Variants in PITPNC1 observed in about 807,000 individuals in gnomAD.
The protein encoded by PITPNC1 is cytoplasmic phosphatidylinositol transfer protein 1.
In PITPNC1, 18 loss-of-function variants were observed where a neutral mutation model predicts 44.7. That is an observed-to-expected ratio of 0.40 (90% CI 0.28 to 0.60). The LOEUF is 0.60. Among genes scored for constraint, PITPNC1 ranks in the 20% least tolerant of loss-of-function variants. The probability of loss-of-function intolerance (pLI) is 0.39; values close to 1 mark genes in which losing one functional copy is unlikely to be tolerated. For synonymous variants in PITPNC1, 141 were observed against 149.6 expected, an observed-to-expected ratio of 0.94 and a Z score of 0.42; for missense variants, 290 against 418.4, an observed-to-expected ratio of 0.69 and a Z score of 2.68.
chr17:67,649,624 C>G (rs1018384578), intron 6 of PITPNC1, among the ~76,000 whole-genome samples: 2 of 151,962 alleles, frequency 1.3e-5, no homozygotes, highest in African/African-American at 4.8e-5. Flanking sequence ...GTGGCTCATT[C>G]CTACAATCCC....
At chr17:67,631,395 T>A (rs371547613) in intron 5 of PITPNC1, among the ~76,000 whole-genome samples, 93 of 147,594 alleles carry the variant, frequency 6.3e-4, no homozygotes, top group Non-Finnish European at 2.2e-4. Flanking sequence ...TTTGGGAGGC[T>A]GAGGCGGGCG....
chr17:67,577,627 A>T (rs1047785782), intron 4 of PITPNC1, among the ~76,000 whole-genome samples: 15 of 151,020 alleles, frequency 9.9e-5, no homozygotes, highest in Admixed American at 2.6e-4. Context: ...TAAATTTAAA[A>T]ATTTTTTTTA....
chr17:67,404,864 C>CT (rs932105691), intron 1 of PITPNC1, among the ~76,000 whole-genome samples: 6 of 152,090 alleles, frequency 3.9e-5, no homozygotes, highest in Non-Finnish European at 5.9e-5. Context: ...GTTATTGCCT[C>CT]TTTTTTTAAC....
At chr17:67,602,767 T>C (rs987256991) in intron 5 of PITPNC1, among the ~76,000 whole-genome samples, 3 of 152,130 alleles carry the variant, frequency 2.0e-5, no homozygotes, top group Non-Finnish European at 4.4e-5. Context: ...GGATGGATCT[T>C]GCTCTGTCGC....
At chr17:67,390,766 C>T (rs957460286) in intron 1 of PITPNC1, among the ~76,000 whole-genome samples, 3 of 152,178 alleles carry the variant, frequency 2.0e-5, no homozygotes, top group Admixed American at 2.0e-4. Flanking sequence ...ACTGTCTTGG[C>T]CACTGGCTTT....
chr17:67,558,960 C>T (rs2040873286), intron 4 of PITPNC1, among the ~76,000 whole-genome samples: 2 of 152,072 alleles, frequency 1.3e-5, no homozygotes, highest in African/African-American at 4.8e-5. Flanking sequence ...CATCAGTCAC[C>T]CCAGGTGAAC....
intron 1 of PITPNC1, among the ~76,000 whole-genome samples, chr17:67,405,996 AT>A (rs2038393111): frequency 6.6e-6 from 1 of 151,958 alleles, no homozygotes; most frequent in Non-Finnish European, 1.5e-5. Flanking sequence ...ATAACTTGCT[AT>A]TTTTTCCTAG....
intron 8 of PITPNC1, chr17:67,687,257 C>A: frequency 3.6e-6 from 3 of 824,230 alleles, no homozygotes; most frequent in South Asian, 1.5e-5. Context: ...GGAAATACTG[C>A]AGATGCCCGG....
At chr17:67,383,477 A>G (rs897240851) in intron 1 of PITPNC1, among the ~76,000 whole-genome samples, 1 of 152,090 alleles carries the variant, frequency 6.6e-6, no homozygotes, top group African/African-American at 2.4e-5. Flanking sequence ...GGGGACTCCA[A>G]CCTTGTGTCT....
chr17:67,595,911 G>A (rs1270894798), intron 5 of PITPNC1, among the ~76,000 whole-genome samples: 1 of 152,126 alleles, frequency 6.6e-6, no homozygotes, highest in African/African-American at 2.4e-5. Flanking sequence ...ATTATCTAGA[G>A]TAATTTTAAT....
chr17:67,534,675 GA>G (rs1205301546), intron 2 of PITPNC1, among the ~76,000 whole-genome samples: 5 of 151,772 alleles, frequency 3.3e-5, no homozygotes, highest in South Asian at 2.1e-4. Flanking sequence ...AAAGAATAAA[GA>G]AAAAAAAGAA....
intron 5 of PITPNC1, among the ~76,000 whole-genome samples, chr17:67,608,975 A>T (rs1474998470): frequency 6.6e-6 from 1 of 151,954 alleles, no homozygotes; most frequent in African/African-American, 2.4e-5. Context: ...GACTTTCAGA[A>T]TATCCTTTCC....
At chr17:67,430,898 A>C (rs999426976) in intron 1 of PITPNC1, among the ~76,000 whole-genome samples, 11 of 151,102 alleles carry the variant, frequency 7.3e-5, no homozygotes, top group African/African-American at 2.7e-4. Context: ...GCAGTGAGAA[A>C]TGATCACACC....
At chr17:67,636,157 C>G (rs2642061) in intron 6 of PITPNC1, among the ~76,000 whole-genome samples, 139,601 of 152,094 alleles carry the variant, frequency 0.92, 64,401 homozygotes, top group Non-Finnish European at 0.97. Flanking sequence ...AATTAGCCGG[C>G]CATGGTGGTA....
At chr17:67,636,640 A>G (rs2042036783) in intron 6 of PITPNC1, among the ~76,000 whole-genome samples, 1 of 152,132 alleles carries the variant, frequency 6.6e-6, no homozygotes, top group Admixed American at 6.6e-5. Flanking sequence ...GCATTCCCCC[A>G]GGGGCGACTC....
chr17:67,406,828 C>A (rs2038408511), intron 1 of PITPNC1, among the ~76,000 whole-genome samples: 1 of 152,136 alleles, frequency 6.6e-6, no homozygotes, highest in South Asian at 2.1e-4. Flanking sequence ...CTCAGGTGAT[C>A]CATCCACCTC....
intron 1 of PITPNC1, among the ~76,000 whole-genome samples, chr17:67,413,403 TTC>T (rs1012258360): frequency 1.3e-4 from 19 of 149,216 alleles, no homozygotes; most frequent in African/African-American, 4.3e-4. Context: ...GTGCTTAATT[TTC>T]TTTCTTTCTT....
intron 6 of PITPNC1, among the ~76,000 whole-genome samples, chr17:67,648,925 G>A (rs537468407): frequency 1.3e-5 from 2 of 152,164 alleles, no homozygotes; most frequent in Admixed American, 6.5e-5. Context: ...AGGCCAAGGC[G>A]GGAGGATCAC....
At chr17:67,405,730 C>T (rs752529346) in intron 1 of PITPNC1, among the ~76,000 whole-genome samples, 16 of 151,536 alleles carry the variant, frequency 1.1e-4, no homozygotes, top group South Asian at 2.1e-4. Context: ...CTCAGCCTCC[C>T]GAGTAGCTGG....
Sources: gnomAD v4.1 joint callset for allele counts (sites outside exome capture counted in the v4.1 genomes callset) on GRCh38, gnomAD v4.1.1 for gene constraint, MANE v1.5 for transcripts, NCBI Gene and HGNC (gene_info 2026-07-23, HGNC 2026-07-21) for gene names.